TCF7: variants seen among roughly 807,000 people sequenced by gnomAD.
TCF7 encodes the protein transcription factor 7.
TCF7 carries 19 observed loss-of-function variants against 46.8 expected under a neutral mutation model. The observed-to-expected ratio is 0.41, with a 90% CI of 0.28 to 0.60. TCF7 has a LOEUF of 0.60. Ranked by LOEUF, TCF7 falls within the 20% of genes least tolerant of loss-of-function variation. The pLI, the probability that TCF7 is intolerant of heterozygous loss-of-function variation, is 0.35. For synonymous variants in TCF7, 245 were observed against 213.4 expected (o/e 1.15, Z -1.29); for missense variants, 547 against 504.6 (o/e 1.08, Z -0.81).
intron 3 of TCF7, among the ~76,000 whole-genome samples, chr5:134,126,424 T>C (rs889662851): frequency 1.3e-5 from 2 of 152,230 alleles, no homozygotes; most frequent in African/African-American, 2.4e-5. Flanking sequence ...GGAGAGGATC[T>C]GTGGGGCCCA....
chr5:134,140,910 T>C (rs1187556680), intron 5 of TCF7: 2 of 377,116 alleles, frequency 5.3e-6, no homozygotes, highest in East Asian at 9.9e-5. Context: ...ACACTGCAGC[T>C]AGGCTCCTGC....
intron 5 of TCF7, 103 bp downstream of exon 5, chr5:134,139,141 T>TG: frequency 6.7e-7 from 1 of 1,498,976 alleles, no homozygotes; most frequent in Non-Finnish European, 8.9e-7. Context: ...GCCACCCTGC[T>TG]GCCAGCTCTG....
At chr5:134,121,410 C>G (rs955574470) in intron 3 of TCF7, among the ~76,000 whole-genome samples, 1 of 151,938 alleles carries the variant, frequency 6.6e-6, no homozygotes, top group Non-Finnish European at 1.5e-5. Context: ...ACGGTAAAAC[C>G]GGGTCTCTAC....
intron 3 of TCF7, among the ~76,000 whole-genome samples, chr5:134,131,366 G>T (rs966776316): frequency 2.6e-5 from 4 of 152,216 alleles, no homozygotes; most frequent in African/African-American, 9.6e-5. Flanking sequence ...ATGTTACTCA[G>T]TGTCACCTCT....
chr5:134,122,657 G>A (rs1756764899), intron 3 of TCF7, among the ~76,000 whole-genome samples: 1 of 152,228 alleles, frequency 6.6e-6, no homozygotes, highest in Non-Finnish European at 1.5e-5. Flanking sequence ...CCTCCTGGAG[G>A]TGCAAGGCAA....
At chr5:134,138,259 C>A in intron 4 of TCF7, 95 bp downstream of exon 4, 1 of 1,093,180 alleles carries the variant, frequency 9.1e-7, no homozygotes, top group Non-Finnish European at 1.4e-6. Flanking sequence ...CATTTTATAA[C>A]TGGAGAACCT....
chr5:134,131,237 G>A (rs1758078295), intron 3 of TCF7, among the ~76,000 whole-genome samples: 1 of 152,206 alleles, frequency 6.6e-6, no homozygotes, highest in South Asian at 2.1e-4. Context: ...TGACCTGGTG[G>A]AGGAAGGGCT....
Position 134,139,038 on chromosome 5 carries a change from G to A in TCF7, c.635G>A (p.Trp212Ter). The change falls in exon 5 of 10, where the codon TGG becomes TAG. Residue 212 changes from tryptophan (W) to a stop codon, truncating the protein, a stop_gained and splice_region_variant. Transcript: ENST00000342854. LOFTEE classifies it high-confidence loss of function. ...SMGQLPHTVSWFTHPSLMLGS... is the reference protein window; with the variant it reads ...SMGQLPHTVS ...GGGCAGCTCCCCCACACTGTGAGCT[G>A]GTGAGTGTGGGCCCAATGGGAAAGG... is the stretch of plus-strand genomic sequence containing the variant. 6.2e-7 allele frequency: 1 copy of A among 1,613,698 alleles called. No homozygotes were observed. Among genetic ancestry groups the A allele is most frequent in the Non-Finnish European group, 8.5e-7 (1 of 1,179,978 alleles).
intron 3 of TCF7, among the ~76,000 whole-genome samples, chr5:134,131,411 T>C (rs1414789749): frequency 6.6e-6 from 1 of 152,208 alleles, no homozygotes; most frequent in Non-Finnish European, 1.5e-5. Flanking sequence ...ACCATAGCAA[T>C]AGCCCACCTT....
intron 3 of TCF7, among the ~76,000 whole-genome samples, chr5:134,134,997 A>G (rs1758654672): frequency 6.6e-6 from 1 of 152,230 alleles, no homozygotes; most frequent in Non-Finnish European, 1.5e-5. Flanking sequence ...TCTGTCACCC[A>G]GGCTGGAGTG....
chr5:134,109,973 C>T (rs116235179), upstream of TCF7, among the ~76,000 whole-genome samples: 1 of 152,286 alleles, frequency 6.6e-6, no homozygotes, highest in East Asian at 1.9e-4. Context: ...GGCCACTCCA[C>T]GTTTGCCTTC....
chr5:134,136,591 T>C (rs142874989), intron 3 of TCF7, among the ~76,000 whole-genome samples: 2,089 of 152,286 alleles, frequency 0.014, 19 homozygotes, highest in Non-Finnish European at 0.022. Context: ...GCTTCATGTC[T>C]TGGCTACAGC....
upstream of TCF7, among the ~76,000 whole-genome samples, chr5:134,112,286 G>A (rs1451114974): frequency 1.3e-5 from 2 of 152,130 alleles, no homozygotes; most frequent in South Asian, 2.1e-4. Context: ...CACCTAAATC[G>A]GCTCTAATAA....
At chr5:134,120,306 C>G (rs2149280517) in intron 3 of TCF7, among the ~76,000 whole-genome samples, 1 of 152,312 alleles carries the variant, frequency 6.6e-6, no homozygotes, top group East Asian at 1.9e-4. Flanking sequence ...AACCCCCATC[C>G]TAAATCACAG....
chr5:134,139,182 G>T, intron 5 of TCF7, 144 bp downstream of exon 5: 1 of 1,311,050 alleles, frequency 7.6e-7, no homozygotes. Context: ...CAGCAACTCT[G>T]TCCTAACCTG....
chr5:134,110,302 T>C (rs1755312696), upstream of TCF7, among the ~76,000 whole-genome samples: 2 of 152,202 alleles, frequency 1.3e-5, no homozygotes. Flanking sequence ...GTCCGAGGGA[T>C]GGAGCAGGAG....
At chr5:134,124,763 C>T (rs1253987951) in intron 3 of TCF7, among the ~76,000 whole-genome samples, 7 of 152,132 alleles carry the variant, frequency 4.6e-5, no homozygotes, top group South Asian at 2.1e-4. Flanking sequence ...GATGAGTGTG[C>T]GGCAGAGGCT....
At chr5:134,116,800 A>T (rs1023533330) in intron 3 of TCF7, among the ~76,000 whole-genome samples, 3 of 152,276 alleles carry the variant, frequency 2.0e-5, no homozygotes, top group Non-Finnish European at 4.4e-5. Flanking sequence ...TTGGAGCAGT[A>T]CAGCTGCGCT....
At chr5:134,125,587 G>T (rs1471605692) in intron 3 of TCF7, among the ~76,000 whole-genome samples, 1 of 152,248 alleles carries the variant, frequency 6.6e-6, no homozygotes, top group East Asian at 1.9e-4. Flanking sequence ...TGAGGGTGAG[G>T]TGGTGGTCTC....
Sources: gnomAD v4.1 joint callset for allele counts (sites outside exome capture counted in the v4.1 genomes callset) on GRCh38, gnomAD v4.1.1 for gene constraint, MANE v1.5 for transcripts, NCBI Gene and HGNC (gene_info 2026-07-23, HGNC 2026-07-21) for gene names.